Variants in MTREX observed in about 807,000 individuals in gnomAD.
MTREX encodes the protein exosome RNA helicase MTR4.
A neutral mutation model predicts 135.4 loss-of-function variants in MTREX; 76 were observed. The observed-to-expected ratio is 0.56, with a 90% CI of 0.47 to 0.68. The LOEUF (loss-of-function observed/expected upper bound fraction) is 0.68. MTREX is among the 30% of genes least tolerant of loss of function. The pLI, the probability that MTREX is intolerant of heterozygous loss-of-function variation, is 0.00. For synonymous variants in MTREX, 404 were observed against 401.6 expected (o/e 1.01, Z -0.07); for missense variants, 920 against 1,262.1 (o/e 0.73, Z 4.11).
chr5:55,378,602 T>C (rs1750344842), intron 17 of MTREX, 116 bp downstream of exon 17: 1 of 1,144,036 alleles, frequency 8.7e-7, no homozygotes, highest in South Asian at 1.7e-5. Context: ...CAATAGTTGA[T>C]CTATATTAAT....
At chr5:55,400,646 TTC>T (rs1228514499) in intron 21 of MTREX, among the ~76,000 whole-genome samples, 2 of 152,218 alleles carry the variant, frequency 1.3e-5, no homozygotes, top group Non-Finnish European at 2.9e-5. Context: ...CTGTTTTTTC[TTC>T]TTTTTTAAAT....
At chr5:55,376,794 G>T (rs1433247408) in intron 16 of MTREX, among the ~76,000 whole-genome samples, 1 of 152,182 alleles carries the variant, frequency 6.6e-6, no homozygotes, top group African/African-American at 2.4e-5. Flanking sequence ...TATAGGTCGG[G>T]TGTGGTGGCT....
At chr5:55,374,220 G>A (rs1025963661) in intron 16 of MTREX, among the ~76,000 whole-genome samples, 1 of 150,878 alleles carries the variant, frequency 6.6e-6, no homozygotes, top group African/African-American at 2.4e-5. Flanking sequence ...TTGTGCCACT[G>A]AACTCTAACC....
At chr5:55,409,063 C>T (rs1157012809) in intron 22 of MTREX, among the ~76,000 whole-genome samples, 7 of 151,974 alleles carry the variant, frequency 4.6e-5, no homozygotes, top group African/African-American at 1.7e-4. Context: ...GTGATCCTCC[C>T]ACCTCAGCCT....
rs1749960393 is a variant in MTREX, at chr5:55,358,684, A to G, written c.1645A>G (p.Lys549Glu). ...VDEKMSPTIG[K>E]QLLKGSADPL... ...TGAAAAGATGAGCCCAACAATTGGA[A>G]AACAATTACTTAAGGTAACTACATT... Residue 549 changes from lysine to glutamate, a missense_variant, in exon 15 of 27, where the codon AAA (lysine) becomes GAA (glutamate). Coordinates refer to ENST00000230640, the MANE Select transcript of MTREX (RefSeq NM_015360.5). The G allele has an allele frequency of 6.3e-7, 1 of 1,595,996 alleles. No homozygotes were observed. Among genetic ancestry groups the G allele is most frequent in the Non-Finnish European group, 8.5e-7 (1 of 1,175,298 alleles).
At chr5:55,362,569 C>T (rs1246531655) in intron 15 of MTREX, among the ~76,000 whole-genome samples, 6 of 151,774 alleles carry the variant, frequency 4.0e-5, no homozygotes, top group Non-Finnish European at 8.8e-5. Context: ...CCATGTTAGC[C>T]AGGCTGGTCT....
rs755541618 is a variant in MTREX at position 55,425,167 on chromosome 5, A to AG, written c.*396dup. The stretch of plus-strand genomic sequence containing the variant: ...TGCCTTGTGGCAATCATTTTCCTTT[A>AG]GAAAACAGGCCAGCTTCACCTGGGC... On this transcript the variant is annotated 3_prime_UTR_variant, in exon 27 of 27. Coordinates refer to ENST00000230640, the MANE Select transcript of MTREX (RefSeq NM_015360.5). 2 of 1,588,580 alleles carry AG rather than the reference A, an allele frequency of 1.3e-6. No homozygotes were observed. Among genetic ancestry groups the AG allele is most frequent in the Non-Finnish European group, 1.7e-6 (2 of 1,171,388 alleles).
At chr5:55,415,483 A>G (rs767166972) in intron 24 of MTREX, among the ~76,000 whole-genome samples, 18 of 152,238 alleles carry the variant, frequency 1.2e-4, no homozygotes, top group Non-Finnish European at 2.5e-4. Context: ...CAAAGTCTTC[A>G]TAGGCCTAGG....
chr5:55,406,401 C>G (rs1264731105), intron 22 of MTREX, among the ~76,000 whole-genome samples: 4 of 152,134 alleles, frequency 2.6e-5, no homozygotes, highest in South Asian at 4.1e-4. Flanking sequence ...CTGGTTTGGG[C>G]TTCTTCACAG....
intron 21 of MTREX, 63 bp from the exon 22 acceptor site, chr5:55,405,362 T>A (rs918115409): frequency 2.2e-6 from 3 of 1,378,432 alleles, no homozygotes; most frequent in Non-Finnish European, 3.0e-6. Flanking sequence ...ATTTCATGAA[T>A]AAATCTCCTT....
chr5:55,344,280 T>C (rs1240062848), intron 8 of MTREX, among the ~76,000 whole-genome samples: 1 of 152,190 alleles, frequency 6.6e-6, no homozygotes, highest in East Asian at 1.9e-4. Context: ...TAGTTGATGC[T>C]CAGGTCATGT....
chr5:55,356,806 C>A lies in MTREX; in HGVS notation c.1534-1767C>A, dbSNP rs1024761726. ...TGTGCCATAGGTGGTCTTCATCAGG[C>A]CGTTGTAGTTGTTGCTGTTCTTGCA... On this transcript the variant is annotated intron_variant, in intron 14 of 26. Coordinates refer to ENST00000230640, the MANE Select transcript of MTREX (RefSeq NM_015360.5). 3.2e-5 allele frequency: 5 copies of A among 154,312 alleles called. No individual in the cohort carries two copies. In the Admixed American group the frequency reaches 3.3e-4, roughly 10 times the overall value. The allele number at this position is 154,312 out of a possible 1,614,324, so 9.6% of individuals were successfully genotyped here.
chr5:55,317,317 G>A (rs2112024675), intron 1 of MTREX, among the ~76,000 whole-genome samples: 1 of 151,998 alleles, frequency 6.6e-6, no homozygotes, highest in Non-Finnish European at 1.5e-5. Context: ...ACCAAAAATA[G>A]CCAAGGCAGT....
chr5:55,327,920 T>C (rs1312733912), intron 4 of MTREX, 142 bp downstream of exon 4: 3 of 576,090 alleles, frequency 5.2e-6, no homozygotes, highest in Non-Finnish European at 6.2e-6. Context: ...ACAAATATAA[T>C]GAGAACTGAA....
intron 16 of MTREX, among the ~76,000 whole-genome samples, chr5:55,368,206 T>G (rs1468887001): frequency 1.3e-5 from 2 of 152,182 alleles, no homozygotes; most frequent in African/African-American, 4.8e-5. Context: ...TCCTAGCACT[T>G]TGCGAGGCCC....
Position 55,374,523 on chromosome 5 carries a change from G to A in MTREX, c.1811-3791G>A, listed in dbSNP as rs1676145967. On this transcript the variant is annotated intron_variant, in intron 16 of 26. Coordinates refer to ENST00000230640, the MANE Select transcript of MTREX (RefSeq NM_015360.5). Reference sequence around the variant, plus strand: ...CTGGTCTTGAACTCCTGAGCTGAAGGTATCCTGCTCCTGCCTCAGCCTCCC... The same window carrying A: ...CTGGTCTTGAACTCCTGAGCTGAAGATATCCTGCTCCTGCCTCAGCCTCCC... 2.0e-5 allele frequency among the ~76,000 whole-genome samples: 3 copies of A among 151,634 alleles called. No homozygotes were observed. In the South Asian group the frequency reaches 6.3e-4, roughly 32 times the overall value.
At chr5:55,369,921 T>C (rs997759317) in intron 16 of MTREX, among the ~76,000 whole-genome samples, 3 of 151,540 alleles carry the variant, frequency 2.0e-5, no homozygotes, top group Admixed American at 6.6e-5. Flanking sequence ...TTTTCTTTTT[T>C]TTTTTTTCTT....
intron 22 of MTREX, among the ~76,000 whole-genome samples, chr5:55,409,468 AAG>A (rs1012116228): frequency 1.3e-5 from 2 of 152,180 alleles, no homozygotes; most frequent in African/African-American, 4.8e-5. Context: ...GGAAATTGGA[AAG>A]AGATGATGAA....
intron 16 of MTREX, among the ~76,000 whole-genome samples, chr5:55,375,906 A>G (rs1002590235): frequency 2.6e-5 from 4 of 152,188 alleles, no homozygotes; most frequent in African/African-American, 4.8e-5. Context: ...GTCTTCCCGC[A>G]ACATCTCTCC....
Sources: allele counts gnomAD v4.1 joint callset (sites outside exome capture counted in the v4.1 genomes callset), GRCh38; gene constraint gnomAD v4.1.1; transcripts MANE v1.5; gene names NCBI Gene and HGNC (gene_info 2026-07-23, HGNC 2026-07-21).